The following SHISA6 variants were observed in gnomAD, a reference collection of about 807,000 sequenced individuals.
The protein encoded by SHISA6 is shisa family member 6, also known as protein shisa-6.
SHISA6 carries 22 observed loss-of-function variants against 47.9 expected under a neutral mutation model. The observed-to-expected ratio is 0.46, with a 90% CI of 0.33 to 0.66. SHISA6 has a LOEUF of 0.66. Ranked by LOEUF, SHISA6 falls within the 30% of genes least tolerant of loss-of-function variation. The pLI is 0.02. For synonymous variants in SHISA6, 388 were observed against 337.8 expected (o/e 1.15, Z -1.63); for missense variants, 680 against 764.6 (o/e 0.89, Z 1.30).
At chr17:11,447,338 T>G (rs1318293256) in intron 3 of SHISA6, among the ~76,000 whole-genome samples, 1 of 152,048 alleles carries the variant, frequency 6.6e-6, no homozygotes, top group African/African-American at 2.4e-5. Flanking sequence ...TGTGAGGCTA[T>G]TGTCGAGTTC....
At chr17:11,412,687 A>G (rs981321324) in intron 3 of SHISA6, among the ~76,000 whole-genome samples, 35 of 151,946 alleles carry the variant, frequency 2.3e-4, no homozygotes, top group Admixed American at 8.5e-4. Flanking sequence ...GACTACAGGC[A>G]CCGGCCACCG....
At chr17:11,260,418 G>A (rs1180638954) in intron 1 of SHISA6, among the ~76,000 whole-genome samples, 1 of 151,982 alleles carries the variant, frequency 6.6e-6, no homozygotes, top group Non-Finnish European at 1.5e-5. Flanking sequence ...TCCACATGGG[G>A]GGTGACAGGG....
chr17:11,398,197 G>C (rs901031579), intron 3 of SHISA6, among the ~76,000 whole-genome samples: 3 of 152,038 alleles, frequency 2.0e-5, no homozygotes, highest in Non-Finnish European at 4.4e-5. Context: ...CAATAGATTA[G>C]TATATGTTTA....
At chr17:11,275,776 T>C (rs1908864404) in intron 2 of SHISA6, among the ~76,000 whole-genome samples, 1 of 151,848 alleles carries the variant, frequency 6.6e-6, no homozygotes, top group Non-Finnish European at 1.5e-5. Context: ...ACCAGAGTGG[T>C]TGGAGTAGAG....
chr17:11,274,619 A>T (rs1159545060), intron 2 of SHISA6, among the ~76,000 whole-genome samples: 1 of 152,124 alleles, frequency 6.6e-6, no homozygotes, highest in African/African-American at 2.4e-5. Context: ...AGTAAAGGCT[A>T]TTTGGGAAAC....
At chr17:11,299,936 G>T (rs372541698) in intron 2 of SHISA6, among the ~76,000 whole-genome samples, 2 of 152,000 alleles carry the variant, frequency 1.3e-5, no homozygotes, top group African/African-American at 4.8e-5. Context: ...ACGAGGTAAG[G>T]AGATCAAGAC....
In SHISA6 at chr17:11,372,153, C is replaced by T. The variant is rs149161983; in HGVS notation, c.800-7261C>T. Among the ~76,000 whole-genome samples the T allele has an allele frequency of 4.9e-3, 753 of 152,284 alleles. 6 individuals carry two copies. Among genetic ancestry groups the T allele is most frequent in the Non-Finnish European group, 8.0e-3 (541 of 68,032 alleles). On this transcript the variant is annotated intron_variant, in intron 2 of 5. Transcript: ENST00000441885. ...TCTGCCTCCTTCTTTTTAACAGCTG[C>T]ATAGTATTCCATCATGGATGTTGGA...
At chr17:11,343,535 T>A (rs1011980923) in intron 2 of SHISA6, among the ~76,000 whole-genome samples, 4 of 151,512 alleles carry the variant, frequency 2.6e-5, no homozygotes, top group Non-Finnish European at 4.4e-5. Flanking sequence ...GCTGGGAACA[T>A]GTGAAGGTAC....
At chr17:11,329,526 A>G (rs1270785834) in intron 2 of SHISA6, among the ~76,000 whole-genome samples, 2 of 152,054 alleles carry the variant, frequency 1.3e-5, no homozygotes, top group African/African-American at 2.4e-5. Context: ...CAAACTCCAG[A>G]AAATAAGAAG....
intron 2 of SHISA6, among the ~76,000 whole-genome samples, chr17:11,376,891 C>A (rs1332285173): frequency 6.6e-6 from 1 of 152,186 alleles, no homozygotes; most frequent in African/African-American, 2.4e-5. Flanking sequence ...GAGCCGGGAC[C>A]CTGCGATCTG....
intron 3 of SHISA6, among the ~76,000 whole-genome samples, chr17:11,389,673 C>T (rs1375357076): frequency 1.3e-5 from 2 of 152,326 alleles, no homozygotes; most frequent in Admixed American, 6.5e-5. Flanking sequence ...GGCTGTTGCT[C>T]TTCTTGTTTT....
intron 3 of SHISA6, among the ~76,000 whole-genome samples, chr17:11,459,469 C>T (rs576486565): frequency 1.1e-3 from 169 of 152,250 alleles, no homozygotes; most frequent in Non-Finnish European, 1.9e-3. Context: ...GGGTATGGCT[C>T]TTATGCATCT....
Position 11,558,187 on chromosome 17 carries a change from G to T in SHISA6, c.1539G>T (p.Gln513His). Residue 513 changes from glutamine (Q) to histidine (H), a missense_variant, in exon 6 of 6, where the codon CAG (glutamine) becomes CAT (histidine). Around this residue, in one of 2 missense-constraint regions of SHISA6, gnomAD observed 559 missense variants for 674.1 expected, o/e 0.83. Transcript: ENST00000441885. ...CATACGCCACCCTGGGCCAGAGCCA[G>T]ACGGCAGCCAAGCGTCATGCCTTTG... ...NNSYATLGQS[Q>H]TAAKRHAFAS... 6.5e-7 allele frequency: 1 copy of T among 1,545,776 alleles called. No individual in the cohort carries two copies.
chr17:11,359,929 C>T (rs1268797933), intron 2 of SHISA6, among the ~76,000 whole-genome samples: 1 of 152,122 alleles, frequency 6.6e-6, no homozygotes, highest in Non-Finnish European at 1.5e-5. Context: ...GGATCTAGAA[C>T]CAAAAATACC....
intron 2 of SHISA6, among the ~76,000 whole-genome samples, chr17:11,270,891 A>G (rs536308061): frequency 6.6e-6 from 1 of 152,238 alleles, no homozygotes; most frequent in Admixed American, 6.5e-5. Flanking sequence ...TGCCCTGCCA[A>G]TGTCAGGTCC....
At chr17:11,503,625 G>A (rs1260625556) in intron 3 of SHISA6, among the ~76,000 whole-genome samples, 6 of 152,286 alleles carry the variant, frequency 3.9e-5, no homozygotes, top group East Asian at 1.9e-4. Context: ...CTCAGAGACC[G>A]TTCTGAAAAG....
At chr17:11,243,410 A>G (rs1165225881) in intron 1 of SHISA6, among the ~76,000 whole-genome samples, 2 of 151,890 alleles carry the variant, frequency 1.3e-5, no homozygotes, top group African/African-American at 4.8e-5. Flanking sequence ...GCGTGCTGGA[A>G]TTGGAGTGAT....
intron 2 of SHISA6, among the ~76,000 whole-genome samples, chr17:11,294,558 A>G (rs902322489): frequency 1.3e-5 from 2 of 152,194 alleles, no homozygotes; most frequent in Admixed American, 1.3e-4. Flanking sequence ...CAGTCTTGCA[A>G]AGTTTGTTCC....
At chr17:11,435,275 T>C (rs1347628346) in intron 3 of SHISA6, among the ~76,000 whole-genome samples, 1 of 152,224 alleles carries the variant, frequency 6.6e-6, no homozygotes, top group Non-Finnish European at 1.5e-5. Flanking sequence ...TTGAAGCTGC[T>C]AGGAATCACA....
Sources: gnomAD v4.1 joint callset for allele counts (sites outside exome capture counted in the v4.1 genomes callset) on GRCh38, gnomAD v4.1.1 for gene constraint, gnomAD v4.1.1 regional missense constraint, MANE v1.5 for transcripts, NCBI Gene and HGNC (gene_info 2026-07-23, HGNC 2026-07-21) for gene names.